Variants in ELAC2 observed in about 807,000 individuals in gnomAD.
The protein encoded by ELAC2 is zinc phosphodiesterase ELAC protein 2.
In ELAC2, 92 loss-of-function variants were observed where a neutral mutation model predicts 105.2. That is an observed-to-expected ratio of 0.87 (90% CI 0.74 to 1.04). ELAC2 has a LOEUF of 1.04. ELAC2 is among the 50% of genes least tolerant of loss of function. The pLI is 0.00. For missense variants in ELAC2, 1,099 were observed against 1,071.7 expected (o/e 1.03, Z -0.36); for synonymous variants, 468 against 409.1 (o/e 1.14, Z -1.74).
At position 12,996,137 on chromosome 17, in the gene ELAC2, G is replaced by C; in HGVS notation, c.1660-159C>G. 8 of 818,108 alleles carry C rather than the reference G, an allele frequency of 9.8e-6. No homozygotes were observed. The South Asian group carries it at 1.2e-4, about 12-fold the overall frequency. The allele number at this position is 818,108 out of a possible 1,614,324, so 50.7% of individuals were successfully genotyped here. A position where few individuals can be genotyped will look rare whatever the true frequency, so the allele number is the denominator to read the frequency against. ...GGGTGGCACAGGCCGAGCCCCCTGC[G>C]CCATGGCCCTGAAATGTCACAGGCA... is the stretch of plus-strand genomic sequence containing the variant. On this transcript the variant is annotated intron_variant, in intron 17 of 23. Transcript: ENST00000338034.
intron 14 of ELAC2, 67 bp from the exon 15 acceptor site, chr17:13,000,341 G>C: frequency 7.1e-7 from 1 of 1,405,444 alleles, no homozygotes; most frequent in Admixed American, 1.7e-5. Context: ...ACCCCATTGG[G>C]GATGTCCAGA....
At chr17:13,017,370 C>T (rs2143694168) in intron 1 of ELAC2, 1 of 626,962 alleles carries the variant, frequency 1.6e-6, no homozygotes, top group East Asian at 2.7e-5. Context: ...ACCGGCTACA[C>T]ACCAGATCTG....
intron 6 of ELAC2, 78 bp from the exon 7 acceptor site, chr17:13,011,860 G>A: frequency 6.2e-7 from 1 of 1,608,414 alleles, no homozygotes; most frequent in Non-Finnish European, 8.5e-7. Flanking sequence ...TCATACATGG[G>A]AATGCCAGAA....
intron 1 of ELAC2, chr17:13,017,408 C>T (rs2143694376): frequency 6.3e-6 from 4 of 637,304 alleles, no homozygotes; most frequent in Middle Eastern, 4.3e-4. Context: ...CAACGACACA[C>T]TGGCCTTGGG....
intron 12 of ELAC2, chr17:13,002,840 A>G: frequency 1.9e-6 from 1 of 536,700 alleles, no homozygotes; most frequent in Admixed American, 3.0e-5. Context: ...AGGGCATACA[A>G]ATAGGGGACC....
At position 13,011,719 on chromosome 17, in the gene ELAC2, C is replaced by T. The variant is rs1392434007; in HGVS notation, c.623G>A (p.Ser208Asn). The T allele has an allele frequency of 1.2e-6, 2 of 1,614,054 alleles. No homozygotes were observed. Among genetic ancestry groups the T allele is most frequent in the East Asian group, 4.5e-5 (2 of 44,876 alleles). The change falls in exon 7 of 24, where the codon AGT becomes AAT. Residue 208 changes from serine (S) to asparagine (N), a missense_variant. Ser to Asn is a conservative substitution (Grantham distance 46). Coordinates refer to ENST00000338034, the MANE Select transcript of ELAC2 (RefSeq NM_018127.7). The stretch of plus-strand genomic sequence containing the variant: ...CTCGGAGTCTGAAGATCGCTCTGGA[C>T]TGAGCCTGCTGAGAGGCCTTTCTGG... ...QSPERPLSRL[S>N]PERSSDSESN...
At chr17:13,017,247 G>A (rs2041788663) in intron 1 of ELAC2, 126 bp from the exon 2 acceptor site, 2 of 1,027,800 alleles carry the variant, frequency 1.9e-6, no homozygotes, top group South Asian at 2.7e-5. Context: ...AGTCCACGTT[G>A]GACTACCGAG....
At chr17:13,015,949 G>A in intron 3 of ELAC2, 117 bp from the exon 4 acceptor site, 3 of 813,284 alleles carry the variant, frequency 3.7e-6, no homozygotes, top group Admixed American at 1.9e-5. Context: ...AGCTTTGGAA[G>A]TACAACCAGG....
In ELAC2 at chr17:13,003,408, G is replaced by A. The variant is rs543150754; in HGVS notation, c.1079+71C>T. ...GGGTAGGTAGCGCTGGAAAGAGCAC[G>A]AGGGGAGGAAAGGGGAATCCACCAC... On this transcript the variant is annotated intron_variant, in intron 12 of 23. Coordinates refer to ENST00000338034, the MANE Select transcript of ELAC2 (RefSeq NM_018127.7). 3.5e-4 allele frequency: 485 copies of A among 1,398,240 alleles called. 1 individual carries two copies. Among genetic ancestry groups the A allele is most frequent in the Middle Eastern group, 3.4e-3 (19 of 5,602 alleles). 86.6% of individuals were successfully genotyped at this position (1,398,240 alleles called of 1,614,324 possible).
rs1317173303 is a variant in ELAC2 at position 13,013,364 on chromosome 17, G to C, written c.491-89C>G. The C allele has an allele frequency of 5.8e-6, 8 of 1,369,194 alleles. No homozygotes were observed. In the East Asian group the frequency reaches 1.9e-4, roughly 32 times the overall value. 84.8% of individuals were successfully genotyped at this position (1,369,194 alleles called of 1,614,324 possible). A position where few individuals can be genotyped will look rare whatever the true frequency, so the allele number is the denominator to read the frequency against. On this transcript the variant is annotated intron_variant, in intron 5 of 23. Coordinates refer to ENST00000338034, the MANE Select transcript of ELAC2 (RefSeq NM_018127.7). The stretch of plus-strand genomic sequence containing the variant: ...TCAGGATCACCAACCACGAGCAACT[G>C]AATTGCCTCAGAATTATGGTGGGAA...
chr17:12,994,581 G>A lies in ELAC2; in HGVS notation c.2030-78C>T, dbSNP rs547932956. ...AGGCCTCAGTCACGTGCTGTTTCCT[G>A]GTCTCAACACTCAGCTCCCCTGGCC... On this transcript the variant is annotated intron_variant, in intron 21 of 23. Coordinates refer to ENST00000338034, the MANE Select transcript of ELAC2 (RefSeq NM_018127.7). 764 of 1,597,492 alleles carry A rather than the reference G, an allele frequency of 4.8e-4. 1 individual carries two copies. Among genetic ancestry groups the A allele is most frequent in the South Asian group, 3.3e-3 (297 of 90,738 alleles).
Position 12,994,950 on chromosome 17 carries a change from CTG to C in ELAC2, c.1908+11_1908+12del, listed in dbSNP as rs1370626601. On this transcript the variant is annotated intron_variant, in intron 20 of 23. Transcript: ENST00000338034. ...CACCTCGCCCCCATGATGCCTGCGGCTGTGCCCCTTACCTCTTCCAAATCACA... is the reference window on the plus strand; with the variant it reads ...CACCTCGCCCCCATGATGCCTGCGGCTGCCCCTTACCTCTTCCAAATCACA... 1.2e-6 allele frequency: 2 copies of C among 1,614,160 alleles called. No homozygotes were observed. Among genetic ancestry groups the C allele is most frequent in the Non-Finnish European group, 1.7e-6 (2 of 1,180,036 alleles).
rs2040185463 is a variant in ELAC2, at chr17:12,991,901, C to CATTT, written c.*913_*916dup. 6.6e-6 allele frequency among the ~76,000 whole-genome samples: 1 copy of CATTT among 152,158 alleles called. No individual in the cohort carries two copies. Among genetic ancestry groups the CATTT allele is most frequent in the Non-Finnish European group, 1.5e-5 (1 of 68,036 alleles). On this transcript the variant is annotated 3_prime_UTR_variant, in exon 24 of 24. Transcript: ENST00000338034. ...ACTTACTTCCTTGGAAAATGCTCTCCATTTGTCGAGCACTAATCCACGTCT... is the reference window on the plus strand; with the variant it reads ...ACTTACTTCCTTGGAAAATGCTCTCCATTTATTTGTCGAGCACTAATCCACGTCT...
rs1213114705 is a variant in ELAC2, at chr17:13,011,668, G to A, written c.674C>T (p.Pro225Leu). Residue 225 changes from proline to leucine, a missense_variant, in exon 7 of 24, where the codon CCA becomes CTA. By Grantham distance (98) the Pro-to-Leu change is moderately conservative. Coordinates refer to ENST00000338034, the MANE Select transcript of ELAC2 (RefSeq NM_018127.7). ...TGTTTTGTTTATACTATTACCATGTGGAAGGTGTGGCTCATTTTCATTCGA... is the reference window on the plus strand; with the variant it reads ...TGTTTTGTTTATACTATTACCATGTAGAAGGTGTGGCTCATTTTCATTCGA... ...SESNENEPHL[P>L]HGVSQRRGVR... 3 of 1,614,074 alleles carry A rather than the reference G, an allele frequency of 1.9e-6. No individual in the cohort carries two copies. Among genetic ancestry groups the A allele is most frequent in the Non-Finnish European group, 2.5e-6 (3 of 1,180,040 alleles).
intron 8 of ELAC2, among the ~76,000 whole-genome samples, chr17:13,009,031 T>C (rs1008229392): frequency 2.0e-5 from 3 of 152,148 alleles, no homozygotes; most frequent in Non-Finnish European, 2.9e-5. Flanking sequence ...AAGATTACCA[T>C]AGAAAACAGT....
At chr17:13,011,519 C>T (rs957393341) in intron 7 of ELAC2, 144 bp downstream of exon 7, 57 of 1,384,364 alleles carry the variant, frequency 4.1e-5, no homozygotes, top group African/African-American at 7.2e-5. Context: ...ATTCCCCCAA[C>T]GGGCCAAGTT....
Position 13,006,464 on chromosome 17 carries a change from T to A in ELAC2, c.739-485A>T, listed in dbSNP as rs368266836. On this transcript the variant is annotated intron_variant, in intron 8 of 23. Transcript: ENST00000338034. Reference sequence around the variant, plus strand: ...GAAGGTATACCATATTCTGAAGAAGTCATTTATTGTCAAATGCTTTAGTAC... The same window carrying A: ...GAAGGTATACCATATTCTGAAGAAGACATTTATTGTCAAATGCTTTAGTAC... 21 of 178,382 alleles carry A rather than the reference T, an allele frequency of 1.2e-4. No individual in the cohort carries two copies. In the East Asian group the frequency reaches 2.2e-3, roughly 19 times the overall value. The allele number at this position is 178,382 out of a possible 1,614,324, so 11.0% of individuals were successfully genotyped here.
At chr17:13,016,982 C>T in intron 2 of ELAC2, 50 bp from the exon 3 acceptor site, 1 of 1,612,722 alleles carries the variant, frequency 6.2e-7, no homozygotes, top group South Asian at 1.1e-5. Context: ...GAACAAGGAC[C>T]ACTTTTGCTA....
chr17:13,000,873 G>A (rs1000188093), intron 14 of ELAC2: 1 of 169,216 alleles, frequency 5.9e-6, no homozygotes, highest in Non-Finnish European at 1.3e-5. Flanking sequence ...TGAGTCCCAA[G>A]CCTAACTCTC....
Sources: allele counts gnomAD v4.1 joint callset (sites outside exome capture counted in the v4.1 genomes callset), GRCh38; gene constraint gnomAD v4.1.1; transcripts MANE v1.5; gene names NCBI Gene and HGNC (gene_info 2026-07-23, HGNC 2026-07-21).